ACTL8: variants seen among roughly 807,000 people sequenced by gnomAD.
The protein encoded by ACTL8 is actin like 8.
In ACTL8, 3 loss-of-function variants were observed where a neutral mutation model predicts 9.3. The observed-to-expected ratio is 0.32, with a 90% CI of 0.15 to 0.83. ACTL8 has a LOEUF of 0.83. Among genes scored for constraint, ACTL8 ranks in the 40% least tolerant of loss-of-function variants. ACTL8 has a pLI of 0.57. For synonymous variants in ACTL8, 224 were observed against 205.9 expected, an observed-to-expected ratio of 1.09 and a Z score of -0.75; for missense variants, 381 against 492.2, an observed-to-expected ratio of 0.77 and a Z score of 2.14.
At chr1:17,774,099 T>C (rs60909868) in intron 1 of ACTL8, among the ~76,000 whole-genome samples, 45,235 of 152,088 alleles carry the variant, frequency 0.3, 7,119 homozygotes, top group Admixed American at 0.38. Flanking sequence ...CGCCACCTTC[T>C]GTCTCACACT....
rs1212940630 is a variant in ACTL8, at chr1:17,825,800, C to T, written c.382C>T (p.Leu128Phe). The T allele has an allele frequency of 1.2e-6, 2 of 1,613,876 alleles. No individual in the cohort carries two copies. The highest frequency in any genetic ancestry group is 1.7e-6 in the Non-Finnish European group (2 of 1,179,974). ...TGAGTTGCTGCATGTCCCATCGGTC[C>T]TCCTGGCCGACCAGCTGCAGATGTC... is the stretch of plus-strand genomic sequence containing the variant. ...LFELLHVPSV[L>F]LADQLQMSLY... Residue 128 changes from leucine (L) to phenylalanine (F), a missense_variant, in exon 3 of 3, where the codon CTC becomes TTC. Transcript: ENST00000375406.
At chr1:17,817,653 A>G (rs1339149844) in intron 1 of ACTL8, among the ~76,000 whole-genome samples, 2 of 151,482 alleles carry the variant, frequency 1.3e-5, no homozygotes, top group Non-Finnish European at 2.9e-5. Flanking sequence ...TGTCTACACT[A>G]CATCTCTTCA....
intron 1 of ACTL8, among the ~76,000 whole-genome samples, chr1:17,811,661 G>A (rs546157209): frequency 2.0e-5 from 3 of 152,298 alleles, no homozygotes; most frequent in Admixed American, 1.3e-4. Flanking sequence ...ATGAGTCGAG[G>A]TTATTATTTT....
chr1:17,784,654 G>A (rs2066182907), intron 1 of ACTL8, among the ~76,000 whole-genome samples: 1 of 152,198 alleles, frequency 6.6e-6, no homozygotes, highest in African/African-American at 2.4e-5. Context: ...ACCATGAGGT[G>A]TTCTTCTCAA....
At chr1:17,760,099 G>A (rs1320055173) in intron 1 of ACTL8, among the ~76,000 whole-genome samples, 1 of 152,160 alleles carries the variant, frequency 6.6e-6, no homozygotes, top group Non-Finnish European at 1.5e-5. Context: ...TCTGTGATGT[G>A]TATTCTTGAG....
chr1:17,801,989 G>A (rs759936650), intron 1 of ACTL8, among the ~76,000 whole-genome samples: 7 of 152,208 alleles, frequency 4.6e-5, no homozygotes, highest in Admixed American at 2.6e-4. Context: ...GCGTTGAGCT[G>A]TTGTGAACGC....
At position 17,800,294 on chromosome 1, in the gene ACTL8, C is replaced by T. The variant is rs538327934; in HGVS notation, c.-24-22691C>T. Among the ~76,000 whole-genome samples, 4 of 152,192 alleles carry T rather than the reference C, an allele frequency of 2.6e-5. No homozygotes were observed. The South Asian group carries it at 8.3e-4, about 32-fold the overall frequency. On this transcript the variant is annotated intron_variant, in intron 1 of 2. Coordinates refer to ENST00000375406, the MANE Select transcript of ACTL8 (RefSeq NM_030812.3). Reference sequence around the variant, plus strand: ...AATTCTAAAATAGTGTATATGTTTTCGTTGATAATATGAGTGGGGTGTCAT... The same window carrying T: ...AATTCTAAAATAGTGTATATGTTTTTGTTGATAATATGAGTGGGGTGTCAT...
At position 17,781,848 on chromosome 1, in the gene ACTL8, C is replaced by T. The variant is rs142273625; in HGVS notation, c.-25+26344C>T. ...TAGGGCCCCCACAGATGCGGGGACCCATGCTCCTCCAGGACCCATCTCTGG... is the reference window on the plus strand; with the variant it reads ...TAGGGCCCCCACAGATGCGGGGACCTATGCTCCTCCAGGACCCATCTCTGG... On this transcript the variant is annotated intron_variant, in intron 1 of 2. Transcript: ENST00000375406. Among the ~76,000 whole-genome samples, 1,300 of 152,234 alleles carry T rather than the reference C, an allele frequency of 8.5e-3. 18 individuals carry two copies. Among genetic ancestry groups the T allele is most frequent in the Middle Eastern group, 0.034 (10 of 294 alleles).
At chr1:17,773,923 A>G (rs1200826922) in intron 1 of ACTL8, among the ~76,000 whole-genome samples, 4 of 152,232 alleles carry the variant, frequency 2.6e-5, no homozygotes, top group Admixed American at 2.0e-4. Flanking sequence ...CAGAGGGTGC[A>G]CTAGAGTGAC....
At chr1:17,770,754 T>C (rs2066077167) in intron 1 of ACTL8, among the ~76,000 whole-genome samples, 1 of 152,154 alleles carries the variant, frequency 6.6e-6, no homozygotes, top group East Asian at 1.9e-4. Context: ...CTGGTCATTC[T>C]CGCCATGCAC....
intron 1 of ACTL8, among the ~76,000 whole-genome samples, chr1:17,768,490 C>G (rs984241647): frequency 3.9e-5 from 6 of 152,156 alleles, no homozygotes; most frequent in African/African-American, 1.4e-4. Context: ...CTCCTGTACC[C>G]TAGAAGAGCC....
intron 1 of ACTL8, among the ~76,000 whole-genome samples, chr1:17,782,509 G>C (rs2066163818): frequency 1.3e-5 from 2 of 152,082 alleles, no homozygotes; most frequent in South Asian, 4.2e-4. Flanking sequence ...CGGCCACCTG[G>C]GTATATGACC....
chr1:17,771,887 A>G (rs1009340750), intron 1 of ACTL8, among the ~76,000 whole-genome samples: 2 of 152,028 alleles, frequency 1.3e-5, no homozygotes, highest in African/African-American at 4.8e-5. Context: ...GTGTTTTCCT[A>G]TTCTTCCACG....
At position 17,826,164 on chromosome 1, in the gene ACTL8, C is replaced by A. The variant is rs780831696; in HGVS notation, c.746C>A (p.Thr249Asn). 1 of 1,612,958 alleles carries A rather than the reference C, an allele frequency of 6.2e-7. No homozygotes were observed. Among genetic ancestry groups the A allele is most frequent in the East Asian group, 2.2e-5 (1 of 44,866 alleles). The change falls in exon 3 of 3, where the codon ACC (threonine) becomes AAC (asparagine). Residue 249 changes from threonine (T) to asparagine (N), a missense_variant. Thr to Asn is a moderately conservative substitution (Grantham distance 65, BLOSUM62 0). Coordinates refer to ENST00000375406, the MANE Select transcript of ACTL8 (RefSeq NM_030812.3). The surrounding 1 kb of genome is among the most constrained non-coding windows in gnomAD (Gnocchi z 4.5). ...CCAGACGGCTCCCGCGTGGAGCTGA[C>A]CCCCATGCAGCGGGTGGCTCCTGAG... is the stretch of plus-strand genomic sequence containing the variant. ...QLPDGSRVEL[T>N]PMQRVAPEMF...
intron 1 of ACTL8, among the ~76,000 whole-genome samples, chr1:17,805,081 G>A (rs957644444): frequency 1.3e-5 from 2 of 152,026 alleles, no homozygotes; most frequent in Non-Finnish European, 2.9e-5. Flanking sequence ...GATGCCCTGC[G>A]CACCTCACTT....
At chr1:17,761,505 A>G (rs891827768) in intron 1 of ACTL8, among the ~76,000 whole-genome samples, 9 of 151,950 alleles carry the variant, frequency 5.9e-5, no homozygotes, top group African/African-American at 1.9e-4. Flanking sequence ...CTTCGACTTT[A>G]AAGTGGGACA....
At chr1:17,820,491 G>A (rs1200269638) in intron 1 of ACTL8, among the ~76,000 whole-genome samples, 1 of 151,918 alleles carries the variant, frequency 6.6e-6, no homozygotes, top group Non-Finnish European at 1.5e-5. Flanking sequence ...AGGTTTTTGT[G>A]TGAACGTACG....
intron 1 of ACTL8, among the ~76,000 whole-genome samples, chr1:17,805,353 TAG>T (rs1461123014): frequency 6.0e-5 from 9 of 150,532 alleles, no homozygotes; most frequent in African/African-American, 2.2e-4. Flanking sequence ...CTTTATAAAA[TAG>T]ATATATTTTC....
At chr1:17,799,942 C>T (rs185258933) in intron 1 of ACTL8, among the ~76,000 whole-genome samples, 62 of 152,096 alleles carry the variant, frequency 4.1e-4, no homozygotes, top group African/African-American at 1.4e-3. Context: ...TCTGCTGTTC[C>T]GTTGGTCTGT....
Sources: gnomAD v4.1 joint callset for allele counts (sites outside exome capture counted in the v4.1 genomes callset) on GRCh38, gnomAD v4.1.1 for gene constraint, Gnocchi (gnomAD v3.1) non-coding constraint, MANE v1.5 for transcripts, NCBI Gene and HGNC (gene_info 2026-07-23, HGNC 2026-07-21) for gene names.